Variants in TLK1 observed in about 807,000 individuals in gnomAD.
TLK1 encodes the protein tousled like kinase 1.
TLK1 carries 24 observed loss-of-function variants against 105.3 expected under a neutral mutation model. The ratio of observed to expected loss-of-function variants is 0.23; its 90% CI spans 0.17 to 0.32. The LOEUF (loss-of-function observed/expected upper bound fraction) is 0.32, where lower values mean the gene tolerates loss of function less well. Ranked by LOEUF, TLK1 falls within the 10% of genes least tolerant of loss-of-function variation. TLK1 has a pLI of 1.00. For synonymous variants in TLK1, 321 were observed against 310.4 expected (o/e 1.03, Z -0.36); for missense variants, 558 against 910.5 (o/e 0.61, Z 4.98).
intron 1 of TLK1, among the ~76,000 whole-genome samples, chr2:171,184,313 A>G (rs529037834): frequency 1.9e-4 from 29 of 152,316 alleles, no homozygotes; most frequent in African/African-American, 6.7e-4. Flanking sequence ...AGAAATTTAT[A>G]TTGTTTAAGC....
chr2:171,008,268 T>C (rs1022118490), intron 14 of TLK1, among the ~76,000 whole-genome samples: 1 of 152,146 alleles, frequency 6.6e-6, no homozygotes, highest in Non-Finnish European at 1.5e-5. Flanking sequence ...GTTAGGGTTA[T>C]TGAGAGGATT....
At chr2:171,138,536 A>C (rs1691435791) in intron 1 of TLK1, among the ~76,000 whole-genome samples, 1 of 152,164 alleles carries the variant, frequency 6.6e-6, no homozygotes, top group Admixed American at 6.5e-5. Flanking sequence ...AGTCCAAAGA[A>C]ATTTAAGTAA....
Position 171,075,946 on chromosome 2 carries a change from G to A in TLK1, c.330+6835C>T, listed in dbSNP as rs190426466. ...TAAGAGGTGGGAGGGAGGCAGGTGC[G>A]GTGGCTCTTGCCTGTAATCCCAGCA... On this transcript the variant is annotated intron_variant, in intron 3 of 20. Transcript: ENST00000431350. Among the ~76,000 whole-genome samples, 758 of 152,234 alleles carry A rather than the reference G, an allele frequency of 5.0e-3. 5 individuals carry two copies. Among genetic ancestry groups the A allele is most frequent in the African/African-American group, 0.017 (702 of 41,550 alleles).
intron 3 of TLK1, among the ~76,000 whole-genome samples, chr2:171,070,026 G>A (rs530820281): frequency 4.6e-5 from 7 of 152,224 alleles, no homozygotes; most frequent in East Asian, 3.9e-4. Context: ...GCCTATTAAC[G>A]AGGTGGGTAG....
At chr2:171,159,393 T>C (rs2105611298) in intron 1 of TLK1, among the ~76,000 whole-genome samples, 1 of 152,324 alleles carries the variant, frequency 6.6e-6, no homozygotes, top group South Asian at 2.1e-4. Context: ...ATACAGCAAG[T>C]TGAAATTTTA....
intron 18 of TLK1, among the ~76,000 whole-genome samples, chr2:171,001,301 T>C (rs1466322869): frequency 1.3e-5 from 2 of 152,202 alleles, no homozygotes; most frequent in Non-Finnish European, 2.9e-5. Context: ...TAAGACCTCT[T>C]GATCTAGAGG....
chr2:171,168,910 G>T (rs951744076), intron 1 of TLK1, among the ~76,000 whole-genome samples: 5 of 151,978 alleles, frequency 3.3e-5, no homozygotes, highest in Non-Finnish European at 5.9e-5. Flanking sequence ...GTGAAACCTC[G>T]TCTCTGCAAC....
intron 1 of TLK1, among the ~76,000 whole-genome samples, chr2:171,228,120 G>C (rs1318651574): frequency 1.3e-5 from 2 of 152,224 alleles, no homozygotes; most frequent in Non-Finnish European, 2.9e-5. Flanking sequence ...AGGTTGCAGT[G>C]AGCTGAGATT....
chr2:171,134,027 T>A (rs1052241818), intron 1 of TLK1, among the ~76,000 whole-genome samples: 21 of 152,152 alleles, frequency 1.4e-4, no homozygotes, highest in African/African-American at 4.6e-4. Flanking sequence ...TTCATTGTTA[T>A]GTGCCCAGCC....
At chr2:171,053,953 A>C in intron 7 of TLK1, 100 bp from the exon 8 acceptor site, 2 of 891,358 alleles carry the variant, frequency 2.2e-6, no homozygotes, top group Non-Finnish European at 3.3e-6. Context: ...AAAGAAAAAT[A>C]TATTTGTGTG....
At chr2:171,182,222 CT>C (rs1313810470) in intron 1 of TLK1, among the ~76,000 whole-genome samples, 1 of 152,192 alleles carries the variant, frequency 6.6e-6, no homozygotes, top group Admixed American at 6.5e-5. Flanking sequence ...TCAATGGATG[CT>C]AATTTAGTGG....
At chr2:171,100,371 C>G (rs1483371116) in intron 2 of TLK1, among the ~76,000 whole-genome samples, 2 of 152,100 alleles carry the variant, frequency 1.3e-5, no homozygotes, top group Admixed American at 6.5e-5. Flanking sequence ...GCAACTCTTG[C>G]AGTAATGAGT....
chr2:171,191,943 A>C (rs1693162592), intron 1 of TLK1, among the ~76,000 whole-genome samples: 1 of 152,156 alleles, frequency 6.6e-6, no homozygotes, highest in South Asian at 2.1e-4. Flanking sequence ...GTCCAGATTT[A>C]ATTCAGCATT....
chr2:171,137,830 C>CAA (rs143726870), intron 1 of TLK1, among the ~76,000 whole-genome samples: 17,139 of 150,230 alleles, frequency 0.11, 1,533 homozygotes, highest in African/African-American at 0.24. Flanking sequence ...GCCTGGGTGA[C>CAA]AGAGTGAGAC....
intron 10 of TLK1, among the ~76,000 whole-genome samples, 173 bp from the exon 11 acceptor site, chr2:171,046,535 T>G (rs1686970215): frequency 6.6e-6 from 1 of 152,206 alleles, no homozygotes; most frequent in Non-Finnish European, 1.5e-5. Context: ...TTGAAAGAAT[T>G]TTTTTAAGTG....
At chr2:171,066,814 G>A (rs1041961660) in intron 3 of TLK1, 6 of 1,548,528 alleles carry the variant, frequency 3.9e-6, no homozygotes, top group South Asian at 1.2e-5. Flanking sequence ...TTAGAATAAA[G>A]TTGAACTTTC....
At chr2:171,101,023 G>A (rs1030728764) in intron 2 of TLK1, among the ~76,000 whole-genome samples, 1 of 152,132 alleles carries the variant, frequency 6.6e-6, no homozygotes, top group African/African-American at 2.4e-5. Context: ...TATAACATCT[G>A]TGAACATGAA....
chr2:171,045,173 T>C (rs964708827), intron 11 of TLK1: 5 of 150,714 alleles, frequency 3.3e-5, no homozygotes, highest in Middle Eastern at 3.5e-3. Flanking sequence ...AATCTTTCAA[T>C]AGAGGAGAAA....
At chr2:171,127,287 AAAAAAAG>A (rs1362019747) in intron 1 of TLK1, among the ~76,000 whole-genome samples, 2 of 145,554 alleles carry the variant, frequency 1.4e-5, no homozygotes, top group Non-Finnish European at 1.5e-5. Flanking sequence ...CAAAAAAAAA[AAAAAAAG>A]AAAGAAAAAA....
Sources: gnomAD v4.1 joint callset for allele counts (sites outside exome capture counted in the v4.1 genomes callset) on GRCh38, gnomAD v4.1.1 for gene constraint, MANE v1.5 for transcripts, NCBI Gene and HGNC (gene_info 2026-07-23, HGNC 2026-07-21) for gene names.